Variants in PRIMA1 observed in about 807,000 individuals in gnomAD.
PRIMA1 encodes the protein proline-rich membrane anchor 1.
Under a neutral mutation model 17.5 loss-of-function variants are expected in PRIMA1, and 7 were observed. The observed-to-expected ratio is 0.40, with a 90% CI of 0.23 to 0.75. PRIMA1 has a LOEUF of 0.75. Among genes scored for constraint, PRIMA1 ranks in the 30% least tolerant of loss-of-function variants. The probability of loss-of-function intolerance (pLI) is 0.37; values close to 1 mark genes in which losing one functional copy is unlikely to be tolerated. For missense variants in PRIMA1, 200 were observed against 201.8 expected (o/e 0.99, Z 0.05); for synonymous variants, 97 against 77.9 (o/e 1.25, Z -1.29).
chr14:93,750,285 C>T (rs907705474), intron 3 of PRIMA1, among the ~76,000 whole-genome samples: 17 of 152,154 alleles, frequency 1.1e-4, no homozygotes, highest in African/African-American at 3.6e-4. Context: ...GTCCCAGCTA[C>T]TTGGGACTTG....
intron 2 of PRIMA1, among the ~76,000 whole-genome samples, chr14:93,785,581 G>A (rs942249591): frequency 1.3e-4 from 20 of 152,154 alleles, no homozygotes; most frequent in African/African-American, 4.3e-4. Context: ...TGACATGACA[G>A]ATTTTATTTT....
At position 93,719,025 on chromosome 14, in the gene PRIMA1, C is replaced by G. The variant is rs1057207250; in HGVS notation, c.*2419G>C. On this transcript the variant is annotated 3_prime_UTR_variant, in exon 5 of 5. Transcript: ENST00000393140. ...ATCTAGTGGGTCTCCCTTGCTGTGC[C>G]GTATACTTGTTTTTTGAATGGGCGG... 2 of 151,962 alleles carry G rather than the reference C, an allele frequency of 1.3e-5. No homozygotes were observed. The highest frequency in any genetic ancestry group is 2.9e-5 in the Non-Finnish European group (2 of 68,034). The allele number at this position is 151,962 out of a possible 1,614,324, so 9.4% of individuals were successfully genotyped here. A position where few individuals can be genotyped will look rare whatever the true frequency, so the allele number is the denominator to read the frequency against.
chr14:93,769,286 G>C (rs558541390), intron 3 of PRIMA1, among the ~76,000 whole-genome samples: 1 of 152,200 alleles, frequency 6.6e-6, no homozygotes, highest in East Asian at 1.9e-4. Context: ...CCTCGCATGT[G>C]TGATTTGCAC....
In PRIMA1 at chr14:93,718,369, C is replaced by A. The variant is rs2076016614; in HGVS notation, c.*3075G>T. 6.6e-6 allele frequency: 1 copy of A among 152,250 alleles called. No homozygotes were observed. Among genetic ancestry groups the A allele is most frequent in the Non-Finnish European group, 1.5e-5 (1 of 68,016 alleles). 9.4% of individuals were successfully genotyped at this position (152,250 alleles called of 1,614,324 possible). ...TTCCTCATAAGTGGCATATGGACAC[C>A]CCCAGTGCTGCCGGTCTCGCTTCCG... is the stretch of plus-strand genomic sequence containing the variant. On this transcript the variant is annotated 3_prime_UTR_variant, in exon 5 of 5. Coordinates refer to ENST00000393140, the MANE Select transcript of PRIMA1 (RefSeq NM_178013.4).
intron 3 of PRIMA1, among the ~76,000 whole-genome samples, chr14:93,765,789 C>T (rs753445687): frequency 1.3e-4 from 20 of 152,146 alleles, no homozygotes; most frequent in Non-Finnish European, 2.4e-4. Context: ...GAAACCAAGT[C>T]AACACTGAAG....
chr14:93,784,334 A>T (rs1481817014), intron 2 of PRIMA1, among the ~76,000 whole-genome samples: 3 of 151,926 alleles, frequency 2.0e-5, no homozygotes, highest in African/African-American at 7.3e-5. Flanking sequence ...TTGGACTGAG[A>T]TGTCTCTCTT....
intron 4 of PRIMA1, among the ~76,000 whole-genome samples, chr14:93,734,143 C>T (rs1422833340): frequency 6.6e-6 from 1 of 152,250 alleles, no homozygotes; most frequent in East Asian, 1.9e-4. Flanking sequence ...GGGCTGGGTC[C>T]TATTCCTCGG....
chr14:93,734,148 C>G (rs2076133457), intron 4 of PRIMA1, among the ~76,000 whole-genome samples: 1 of 152,216 alleles, frequency 6.6e-6, no homozygotes, highest in Non-Finnish European at 1.5e-5. Flanking sequence ...GGGTCCTATT[C>G]CTCGGTGTCC....
intron 3 of PRIMA1, among the ~76,000 whole-genome samples, chr14:93,775,074 T>C (rs1423306919): frequency 1.3e-5 from 2 of 152,196 alleles, no homozygotes; most frequent in African/African-American, 4.8e-5. Context: ...TGACTCTGTA[T>C]CCCTCAGGAT....
chr14:93,734,722 A>AAGCCCCGCCCACGCCCTGGTGG lies in PRIMA1; in HGVS notation c.359+2497_359+2518dup, dbSNP rs1320419909. 2.6e-4 allele frequency among the ~76,000 whole-genome samples: 39 copies of AAGCCCCGCCCACGCCCTGGTGG among 151,902 alleles called. 1 individual carries two copies. Among genetic ancestry groups the AAGCCCCGCCCACGCCCTGGTGG allele is most frequent in the Admixed American group, 2.5e-3 (38 of 15,244 alleles). On this transcript the variant is annotated intron_variant, in intron 4 of 4. Transcript: ENST00000393140. Reference sequence around the variant, plus strand: ...GGATCCCCGCCCATGCCTCTAGAAGAAGCCCCGCCCACGCCCTGGTGGAGC... The same window carrying AAGCCCCGCCCACGCCCTGGTGG: ...GGATCCCCGCCCATGCCTCTAGAAGAAGCCCCGCCCACGCCCTGGTGGAGCCCCGCCCACGCCCTGGTGGAGC...
At chr14:93,760,059 G>C (rs1566972680) in intron 3 of PRIMA1, among the ~76,000 whole-genome samples, 1 of 152,238 alleles carries the variant, frequency 6.6e-6, no homozygotes, top group Non-Finnish European at 1.5e-5. Context: ...CCCGAGGGCT[G>C]CCTGACCATA....
chr14:93,721,133 G>A lies in PRIMA1; in HGVS notation c.*311C>T, dbSNP rs527552442. 31 of 323,138 alleles carry A rather than the reference G, an allele frequency of 9.6e-5. No individual in the cohort carries two copies. Among genetic ancestry groups the A allele is most frequent in the African/African-American group, 5.7e-4 (27 of 47,038 alleles). The allele number at this position is 323,138 out of a possible 1,614,324, so 20.0% of individuals were successfully genotyped here. On this transcript the variant is annotated 3_prime_UTR_variant, in exon 5 of 5. Transcript: ENST00000393140. ...CAGATCCCTCTGGCTTCGCCAGTGCGCATGCTTTAGACAGCAGCTGGGGGC... is the reference window on the plus strand; with the variant it reads ...CAGATCCCTCTGGCTTCGCCAGTGCACATGCTTTAGACAGCAGCTGGGGGC...
intron 3 of PRIMA1, among the ~76,000 whole-genome samples, chr14:93,769,350 A>C (rs1264641730): frequency 6.6e-6 from 1 of 152,240 alleles, no homozygotes; most frequent in African/African-American, 2.4e-5. Context: ...AGTGACCAGC[A>C]CACATCTGGA....
At chr14:93,788,782 C>A (rs903901312), upstream of PRIMA1, among the ~76,000 whole-genome samples, 40 of 152,040 alleles carry the variant, frequency 2.6e-4, no homozygotes, top group African/African-American at 7.9e-4. Flanking sequence ...CAGGGCTGGC[C>A]GCCGAGGCGG....
intron 3 of PRIMA1, among the ~76,000 whole-genome samples, chr14:93,744,990 G>A (rs980169158): frequency 6.6e-6 from 1 of 151,858 alleles, no homozygotes; most frequent in Non-Finnish European, 1.5e-5. Context: ...GCCTAAACGG[G>A]TCTCTTGCCC....
intron 4 of PRIMA1, among the ~76,000 whole-genome samples, chr14:93,728,454 G>A (rs1019115973): frequency 3.3e-5 from 5 of 152,120 alleles, no homozygotes; most frequent in African/African-American, 9.7e-5. Context: ...GGAGAGTCCT[G>A]AGCGAGGGCG....
chr14:93,733,466 G>T lies in PRIMA1; in HGVS notation c.359+3775C>A, dbSNP rs546227747. 8.5e-5 allele frequency among the ~76,000 whole-genome samples: 13 copies of T among 152,284 alleles called. No homozygotes were observed. The South Asian group carries it at 2.7e-3, about 32-fold the overall frequency. On this transcript the variant is annotated intron_variant, in intron 4 of 4. Transcript: ENST00000393140. ...GTGCGCCTTCCACAGCTGCAACTCA[G>T]CCCTCGGTGCCGCCCGTCCCTGCCG... is the stretch of plus-strand genomic sequence containing the variant.
At chr14:93,731,594 ACT>A (rs962337354) in intron 4 of PRIMA1, among the ~76,000 whole-genome samples, 62 of 151,926 alleles carry the variant, frequency 4.1e-4, no homozygotes, top group African/African-American at 1.4e-3. Context: ...AACATGCCTG[ACT>A]CTTTGGAGAG....
In PRIMA1 at chr14:93,787,647, G is replaced by A; in HGVS notation, c.72C>T (p.His24=). The A allele has an allele frequency of 6.5e-7, 1 of 1,542,814 alleles. No individual in the cohort carries two copies. The highest frequency in any genetic ancestry group is 1.4e-5 in the African/African-American group (1 of 73,178). The part of the protein sequence containing the change: ...WSSLLLHCAL[H]PLWGFVQVTH... ...TCACCTGCACGAAGCCCCAGAGCGG[G>A]TGGAGCGCGCAGTGCAGCAGCAGCG... The change falls in exon 2 of 5, where the codon CAC becomes CAT. Residue 24 remains histidine, a synonymous_variant. Transcript: ENST00000393140.
Sources: allele counts gnomAD v4.1 joint callset (sites outside exome capture counted in the v4.1 genomes callset), GRCh38; gene constraint gnomAD v4.1.1; transcripts MANE v1.5; gene names NCBI Gene and HGNC (gene_info 2026-07-23, HGNC 2026-07-21).